Variants in PKHD1 observed in about 807,000 individuals in gnomAD.
PKHD1 encodes the protein fibrocystin.
PKHD1 carries 291 observed loss-of-function variants against 412.0 expected under a neutral mutation model. The observed-to-expected ratio is 0.71, with a 90% CI of 0.64 to 0.78. The LOEUF (loss-of-function observed/expected upper bound fraction) is 0.78. PKHD1 is among the 30% of genes least tolerant of loss of function. The pLI, the probability that PKHD1 is intolerant of heterozygous loss-of-function variation, is 0.00. For missense variants in PKHD1, 4,825 were observed against 4,950.7 expected (o/e 0.97, Z 0.76); for synonymous variants, 1,777 against 1,821.5 (o/e 0.98, Z 0.62).
intron 29 of PKHD1, among the ~76,000 whole-genome samples, chr6:52,032,724 T>C (rs1803248508): frequency 6.6e-6 from 1 of 152,210 alleles, no homozygotes; most frequent in Non-Finnish European, 1.5e-5. Context: ...ATCTATTTTA[T>C]GTTTATGCTA....
At chr6:51,761,879 C>T (rs1459524008) in intron 55 of PKHD1, among the ~76,000 whole-genome samples, 1 of 151,980 alleles carries the variant, frequency 6.6e-6, no homozygotes, top group African/African-American at 2.4e-5. Flanking sequence ...TAATCCAGCT[C>T]TTCTCCCTGT....
At chr6:51,982,067 A>T (rs1174568060) in intron 35 of PKHD1, among the ~76,000 whole-genome samples, 1 of 57,774 alleles carries the variant, frequency 1.7e-5, no homozygotes, top group African/African-American at 4.3e-5. Context: ...GAAGTGAGGA[A>T]ACCCTCTGCC....
At chr6:51,811,647 C>G (rs540342738) in intron 52 of PKHD1, among the ~76,000 whole-genome samples, 1 of 152,196 alleles carries the variant, frequency 6.6e-6, no homozygotes, top group African/African-American at 2.4e-5. Context: ...TCCCGGCTAC[C>G]TGATAAAGAG....
At chr6:51,870,727 A>AT (rs1775855051) in intron 46 of PKHD1, 88 bp from the exon 47 acceptor site, 2 of 1,081,492 alleles carry the variant, frequency 1.8e-6, no homozygotes, top group African/African-American at 1.6e-5. Flanking sequence ...AAAAACAAAG[A>AT]TAAAAAAGCG....
intron 15 of PKHD1, among the ~76,000 whole-genome samples, chr6:52,059,521 T>C (rs1329054017): frequency 6.6e-6 from 1 of 152,042 alleles, no homozygotes; most frequent in Non-Finnish European, 1.5e-5. Context: ...AGCACTAGGA[T>C]TACAGGAATG....
At position 51,615,843 on chromosome 6, in the gene PKHD1, T is replaced by C. The variant is rs1300651391; in HGVS notation, c.*3238A>G. The C allele has an allele frequency of 6.6e-6, 1 of 152,174 alleles. No homozygotes were observed. The highest frequency in any genetic ancestry group is 2.4e-5 in the African/African-American group (1 of 41,438). 9.4% of individuals were successfully genotyped at this position (152,174 alleles called of 1,614,324 possible). The stretch of plus-strand genomic sequence containing the variant: ...CTGGGCAGTAACAAGGGCAAGTCTA[T>C]TGAAGGGCAAGTTCACCTTGATCAG... On this transcript the variant is annotated 3_prime_UTR_variant, in exon 67 of 67. Transcript: ENST00000371117.
chr6:51,818,398 CTGTTT>C (rs1404851353), intron 52 of PKHD1, among the ~76,000 whole-genome samples: 1 of 152,058 alleles, frequency 6.6e-6, no homozygotes, highest in Non-Finnish European at 1.5e-5. Flanking sequence ...TTTAAAGGCT[CTGTTT>C]TATTTCCTCC....
chr6:51,711,505 G>A (rs760726043), intron 60 of PKHD1, among the ~76,000 whole-genome samples: 26 of 152,264 alleles, frequency 1.7e-4, no homozygotes, highest in Middle Eastern at 3.4e-3. Flanking sequence ...CCCTGTCTCC[G>A]ATGGACCTGA....
chr6:51,817,963 G>T (rs552053772), intron 52 of PKHD1, among the ~76,000 whole-genome samples: 1 of 152,286 alleles, frequency 6.6e-6, no homozygotes, highest in South Asian at 2.1e-4. Flanking sequence ...AGTCAGATGG[G>T]TTGTCATTAA....
intron 48 of PKHD1, among the ~76,000 whole-genome samples, chr6:51,860,430 A>C (rs1774001754): frequency 6.6e-6 from 1 of 152,216 alleles, no homozygotes; most frequent in African/African-American, 2.4e-5. Context: ...AACAATAATT[A>C]CTACAATTTT....
chr6:51,965,930 C>T (rs778863006), intron 35 of PKHD1, among the ~76,000 whole-genome samples: 21 of 152,102 alleles, frequency 1.4e-4, no homozygotes, highest in Non-Finnish European at 2.8e-4. Context: ...CTTCAAATCT[C>T]CTCTAATAGT....
chr6:51,671,007 A>G (rs1321014019), intron 60 of PKHD1, among the ~76,000 whole-genome samples: 1 of 151,904 alleles, frequency 6.6e-6, no homozygotes, highest in Non-Finnish European at 1.5e-5. Flanking sequence ...AACTTTGGTG[A>G]ATCTGACAAT....
At chr6:51,711,965 TG>T (rs1392270193) in intron 60 of PKHD1, among the ~76,000 whole-genome samples, 2 of 152,140 alleles carry the variant, frequency 1.3e-5, no homozygotes, top group African/African-American at 4.8e-5. Flanking sequence ...CCAAAAAAAT[TG>T]TACTAGGAGT....
chr6:51,912,011 G>C, intron 38 of PKHD1, 55 bp from the exon 39 acceptor site: 3 of 1,336,050 alleles, frequency 2.2e-6, no homozygotes, highest in Non-Finnish European at 3.2e-6. Flanking sequence ...ATCTTACTAG[G>C]AATAATAAGC....
At chr6:52,077,565 A>G in intron 5 of PKHD1, among the ~76,000 whole-genome samples, 1 of 152,212 alleles carries the variant, frequency 6.6e-6, no homozygotes, top group East Asian at 1.9e-4. Context: ...ATCACCAAAG[A>G]ATAACTCGGT....
intron 35 of PKHD1, among the ~76,000 whole-genome samples, chr6:51,971,684 GT>G (rs547929345): frequency 1.1e-3 from 158 of 149,530 alleles, no homozygotes; most frequent in African/African-American, 3.7e-3. Context: ...TTTTTTGTTT[GT>G]TTTTTGGGTT....
intron 4 of PKHD1, among the ~76,000 whole-genome samples, chr6:52,081,398 T>G (rs1459061565): frequency 6.6e-6 from 1 of 152,204 alleles, no homozygotes; most frequent in Non-Finnish European, 1.5e-5. Flanking sequence ...CAATGCATCA[T>G]GAGGACTACA....
chr6:52,024,811 C>A lies in PKHD1; in HGVS notation c.4999G>T (p.Asp1667Tyr), dbSNP rs1464948680. Residue 1667 changes from aspartate (D) to tyrosine (Y), a missense_variant, in exon 32 of 67, where the codon GAT (aspartate) becomes TAT (tyrosine). By Grantham distance (160) the Asp-to-Tyr change is radical. Coordinates refer to ENST00000371117, the MANE Select transcript of PKHD1 (RefSeq NM_138694.4). ...TPELISISQS[D>Y]DILTFAVAQI... ...GCCACTGCAAAGGTTAAGATGTCAT[C>A]GCTCTGAGAAATAGAGATCAATTCT... 6.2e-7 allele frequency: 1 copy of A among 1,614,210 alleles called. No homozygotes were observed. Among genetic ancestry groups the A allele is most frequent in the Non-Finnish European group, 8.5e-7 (1 of 1,180,028 alleles).
chr6:51,638,662 T>G (rs1367735483), intron 64 of PKHD1, among the ~76,000 whole-genome samples, 187 bp downstream of exon 64: 1 of 152,156 alleles, frequency 6.6e-6, no homozygotes, highest in Non-Finnish European at 1.5e-5. Context: ...AGGAGTAACC[T>G]GAGGTTTCCA....
Sources: gnomAD v4.1 joint callset for allele counts (sites outside exome capture counted in the v4.1 genomes callset) on GRCh38, gnomAD v4.1.1 for gene constraint, MANE v1.5 for transcripts, NCBI Gene and HGNC (gene_info 2026-07-23, HGNC 2026-07-21) for gene names.